ADARB1: variants seen among roughly 807,000 people sequenced by gnomAD.
ADARB1 encodes adenosine deaminase RNA specific B1, also known as double-stranded RNA-specific editase 1.
In ADARB1, 10 loss-of-function variants were observed where a neutral mutation model predicts 52.4. The ratio of observed to expected loss-of-function variants is 0.19; its 90% CI spans 0.12 to 0.32. The LOEUF (loss-of-function observed/expected upper bound fraction) is 0.32, where lower values mean the gene tolerates loss of function less well. ADARB1 is among the 10% of genes least tolerant of loss of function. The pLI, the probability that ADARB1 is intolerant of heterozygous loss-of-function variation, is 1.00. For synonymous variants in ADARB1, 349 were observed against 371.1 expected, an observed-to-expected ratio of 0.94 and a Z score of 0.68; for missense variants, 643 against 922.3, an observed-to-expected ratio of 0.70 and a Z score of 3.92.
intron 1 of ADARB1, among the ~76,000 whole-genome samples, chr21:45,110,190 T>C (rs76272234): frequency 6.6e-6 from 1 of 152,236 alleles, no homozygotes; most frequent in African/African-American, 2.4e-5. Flanking sequence ...TCTGCATAAT[T>C]TTCTTCCTTG....
intron 8 of ADARB1, among the ~76,000 whole-genome samples, chr21:45,186,294 T>C (rs2092103303): frequency 6.6e-6 from 1 of 152,210 alleles, no homozygotes; most frequent in Non-Finnish European, 1.5e-5. Context: ...CTTTTGCAAA[T>C]CTTCCTTCAT....
chr21:45,127,870 C>G (rs2088689151), intron 1 of ADARB1, among the ~76,000 whole-genome samples: 1 of 152,156 alleles, frequency 6.6e-6, no homozygotes, highest in African/African-American at 2.4e-5. Flanking sequence ...AACATTTTCT[C>G]TAATGGCTTG....
intron 1 of ADARB1, among the ~76,000 whole-genome samples, chr21:45,083,939 G>C (rs527665467): frequency 6.6e-6 from 1 of 152,208 alleles, no homozygotes; most frequent in African/African-American, 2.4e-5. Context: ...GGACTCAAGG[G>C]ATCCAATTGC....
intron 1 of ADARB1, among the ~76,000 whole-genome samples, chr21:45,123,440 A>G (rs1479092812): frequency 1.3e-5 from 2 of 152,166 alleles, no homozygotes; most frequent in African/African-American, 4.8e-5. Context: ...AGCAGTTGGG[A>G]TTACAGACAT....
chr21:45,174,397 C>T (rs912231173), intron 3 of ADARB1, among the ~76,000 whole-genome samples: 1 of 152,128 alleles, frequency 6.6e-6, no homozygotes, highest in Non-Finnish European at 1.5e-5. Context: ...ACTTTATACT[C>T]CTCTTTTTAA....
chr21:45,144,622 A>G (rs1341932925), intron 2 of ADARB1: 1 of 451,462 alleles, frequency 2.2e-6, no homozygotes, highest in East Asian at 7.0e-5. Context: ...CTCTTCAATA[A>G]TCCTAAAGGT....
At chr21:45,094,167 A>T (rs542193820) in intron 1 of ADARB1, among the ~76,000 whole-genome samples, 6 of 152,310 alleles carry the variant, frequency 3.9e-5, no homozygotes, top group African/African-American at 1.4e-4. Context: ...ATATCAAATT[A>T]TTTGTTCAGA....
At chr21:45,085,240 G>A (rs1163718216) in intron 1 of ADARB1, among the ~76,000 whole-genome samples, 1 of 152,204 alleles carries the variant, frequency 6.6e-6, no homozygotes, top group African/African-American at 2.4e-5. Flanking sequence ...TGTGAGAACA[G>A]GAAATAGAAT....
intron 8 of ADARB1, among the ~76,000 whole-genome samples, chr21:45,191,020 A>G (rs1267517472): frequency 6.6e-6 from 1 of 152,172 alleles, no homozygotes; most frequent in Non-Finnish European, 1.5e-5. Context: ...GTAGCTTCTC[A>G]GTTGGTCTCC....
At chr21:45,205,966 A>AG (rs2092658172) in intron 9 of ADARB1, among the ~76,000 whole-genome samples, 1 of 152,250 alleles carries the variant, frequency 6.6e-6, no homozygotes, top group Admixed American at 6.5e-5. Flanking sequence ...GAGCACATGA[A>AG]GGAGGCAGGG....
At chr21:45,104,066 G>A (rs1404113360) in intron 1 of ADARB1, among the ~76,000 whole-genome samples, 1 of 152,140 alleles carries the variant, frequency 6.6e-6, no homozygotes, top group African/African-American at 2.4e-5. Flanking sequence ...GGGGAGGGGG[G>A]TCCCTCCTGG....
chr21:45,079,945 G>C (rs1275116747), intron 1 of ADARB1, among the ~76,000 whole-genome samples: 1 of 152,188 alleles, frequency 6.6e-6, no homozygotes, highest in Non-Finnish European at 1.5e-5. Flanking sequence ...GGTCCACATT[G>C]GGAGGGAGGG....
At chr21:45,183,594 C>A in intron 7 of ADARB1, 84 bp downstream of exon 7, 2 of 1,449,270 alleles carry the variant, frequency 1.4e-6, no homozygotes, top group Non-Finnish European at 1.9e-6. Context: ...ATCCCTTTTC[C>A]TTTTTTTCTT....
chr21:45,134,976 G>T, intron 2 of ADARB1: 1 of 370,232 alleles, frequency 2.7e-6, no homozygotes, highest in South Asian at 2.0e-5. Context: ...GGACTGGCAG[G>T]CTGTAGCCTG....
chr21:45,207,620 T>G (rs2092691951), intron 9 of ADARB1, among the ~76,000 whole-genome samples: 1 of 152,244 alleles, frequency 6.6e-6, no homozygotes, highest in African/African-American at 2.4e-5. Flanking sequence ...ATTTGACAAG[T>G]GACCTGGACA....
intron 1 of ADARB1, among the ~76,000 whole-genome samples, chr21:45,110,393 C>T (rs1470437680): frequency 6.6e-6 from 1 of 152,196 alleles, no homozygotes; most frequent in African/African-American, 2.4e-5. Flanking sequence ...GTTTTCTTGA[C>T]CATCCGGCAA....
intron 1 of ADARB1, among the ~76,000 whole-genome samples, chr21:45,102,492 A>G (rs2087063150): frequency 6.6e-6 from 1 of 152,222 alleles, no homozygotes; most frequent in Non-Finnish European, 1.5e-5. Flanking sequence ...TTGGAGAAAT[A>G]GCTGATTCTA....
At chr21:45,133,739 G>A (rs148074500) in intron 2 of ADARB1, 118 of 278,480 alleles carry the variant, frequency 4.2e-4, no homozygotes, top group Admixed American at 1.3e-3. Context: ...TGGTGTGTGC[G>A]CCCACCGGGT....
At chr21:45,099,710 A>G (rs2086918809) in intron 1 of ADARB1, among the ~76,000 whole-genome samples, 1 of 152,222 alleles carries the variant, frequency 6.6e-6, no homozygotes, top group African/African-American at 2.4e-5. Context: ...ATCCAAGCAT[A>G]ATTACTGAAC....
Sources: gnomAD v4.1 joint callset for allele counts (sites outside exome capture counted in the v4.1 genomes callset) on GRCh38, gnomAD v4.1.1 for gene constraint, MANE v1.5 for transcripts, NCBI Gene and HGNC (gene_info 2026-07-23, HGNC 2026-07-21) for gene names.